Variants in IFT43 observed in about 807,000 individuals in gnomAD.
The protein encoded by IFT43 is intraflagellar transport protein 43 homolog.
IFT43 carries 33 observed loss-of-function variants against 32.3 expected under a neutral mutation model. That is an observed-to-expected ratio of 1.02 (90% CI 0.77 to 1.37). IFT43 has a LOEUF of 1.37. Among genes scored for constraint, IFT43 ranks in the 40% most tolerant of loss-of-function variants. IFT43 has a pLI of 0.00. For missense variants in IFT43, 274 were observed against 265.9 expected, an observed-to-expected ratio of 1.03 and a Z score of -0.21; for synonymous variants, 93 against 98.2, an observed-to-expected ratio of 0.95 and a Z score of 0.31.
At chr14:76,059,074 C>T (rs2037080872) in intron 4 of IFT43, 5 of 1,428,836 alleles carry the variant, frequency 3.5e-6, no homozygotes, top group Non-Finnish European at 3.6e-6. Flanking sequence ...CAGTTTCCTA[C>T]TCCCAGGGGC....
At chr14:76,029,531 T>G (rs890852587) in intron 3 of IFT43, among the ~76,000 whole-genome samples, 2 of 152,224 alleles carry the variant, frequency 1.3e-5, no homozygotes, top group African/African-American at 4.8e-5. Context: ...ATAAATTCTT[T>G]GCCAAAGCTG....
chr14:76,043,376 G>A (rs1374333651), intron 3 of IFT43, among the ~76,000 whole-genome samples: 1 of 135,528 alleles, frequency 7.4e-6, no homozygotes, highest in Non-Finnish European at 1.6e-5. Flanking sequence ...GAGCTCGTGT[G>A]CAGGGCCTGG....
intron 3 of IFT43, among the ~76,000 whole-genome samples, chr14:76,034,638 G>A (rs1030132932): frequency 2.0e-5 from 3 of 152,232 alleles, no homozygotes; most frequent in Non-Finnish European, 4.4e-5. Flanking sequence ...TAAGGAATAT[G>A]AGTTTCTGGG....
intron 3 of IFT43, 110 bp from the exon 4 acceptor site, chr14:76,058,532 A>G: frequency 2.3e-6 from 3 of 1,283,758 alleles, no homozygotes; most frequent in Non-Finnish European, 3.3e-6. Context: ...CAAATAAAGC[A>G]CTTGAGATAT....
chr14:76,040,385 T>C (rs114118155), intron 3 of IFT43, among the ~76,000 whole-genome samples: 2,554 of 152,338 alleles, frequency 0.017, 80 homozygotes, highest in African/African-American at 0.054. Context: ...CATGTGATAG[T>C]ATAACATCAC....
intron 2 of IFT43, among the ~76,000 whole-genome samples, chr14:76,005,200 C>T (rs1426853949): frequency 2.0e-5 from 3 of 152,178 alleles, no homozygotes; most frequent in Admixed American, 2.0e-4. Flanking sequence ...AATTACCTTC[C>T]TCTGAAAAGT....
intron 3 of IFT43, among the ~76,000 whole-genome samples, chr14:76,054,087 C>T (rs1002044314): frequency 2.0e-5 from 3 of 152,152 alleles, no homozygotes; most frequent in Non-Finnish European, 2.9e-5. Flanking sequence ...CTGGAGTATT[C>T]AGCTGAATGT....
intron 2 of IFT43, among the ~76,000 whole-genome samples, chr14:76,012,386 A>G (rs2036102705): frequency 6.6e-6 from 1 of 152,170 alleles, no homozygotes; most frequent in African/African-American, 2.4e-5. Context: ...CAGTTATTGA[A>G]TCCTAGCCCA....
At chr14:76,055,308 T>C (rs1004127302) in intron 3 of IFT43, among the ~76,000 whole-genome samples, 1 of 150,494 alleles carries the variant, frequency 6.6e-6, no homozygotes, top group Admixed American at 6.6e-5. Flanking sequence ...ATCTCAACAC[T>C]GCACTCCACT....
At chr14:76,021,784 A>T (rs2036296187) in intron 2 of IFT43, among the ~76,000 whole-genome samples, 1 of 152,232 alleles carries the variant, frequency 6.6e-6, no homozygotes, top group South Asian at 2.1e-4. Flanking sequence ...GCTTTCAATA[A>T]ACTTTACCAA....
At chr14:76,024,294 G>C (rs958558884) in intron 3 of IFT43, among the ~76,000 whole-genome samples, 2 of 152,164 alleles carry the variant, frequency 1.3e-5, no homozygotes, top group Admixed American at 1.3e-4. Context: ...TTCTTCCTAC[G>C]ACATACTCTC....
intron 3 of IFT43, among the ~76,000 whole-genome samples, chr14:76,050,576 T>C (rs1485684681): frequency 1.3e-5 from 2 of 152,264 alleles, no homozygotes; most frequent in Non-Finnish European, 2.9e-5. Flanking sequence ...CCCACCTTAG[T>C]CTCTTGAGTA....
At chr14:76,069,536 A>C (rs889163983) in intron 5 of IFT43, among the ~76,000 whole-genome samples, 2 of 152,082 alleles carry the variant, frequency 1.3e-5, no homozygotes, top group African/African-American at 4.8e-5. Flanking sequence ...GGTGAGACTG[A>C]AGATGGGCAT....
chr14:76,021,737 T>C (rs2036295629), intron 2 of IFT43, among the ~76,000 whole-genome samples: 1 of 152,222 alleles, frequency 6.6e-6, no homozygotes, highest in Non-Finnish European at 1.5e-5. Context: ...TTTCTAGGAT[T>C]AGAATTGCTA....
At chr14:76,005,128 A>G (rs74069404) in intron 2 of IFT43, among the ~76,000 whole-genome samples, 1,636 of 152,248 alleles carry the variant, frequency 0.011, 29 homozygotes, top group African/African-American at 0.038. Flanking sequence ...ACACTTCTTC[A>G]TATGTCTAGT....
At chr14:75,997,435 C>A (rs566864656) in intron 2 of IFT43, among the ~76,000 whole-genome samples, 1 of 152,306 alleles carries the variant, frequency 6.6e-6, no homozygotes, top group African/African-American at 2.4e-5. Flanking sequence ...TTAGCCTTGT[C>A]TTTTATTGCT....
intron 2 of IFT43, among the ~76,000 whole-genome samples, chr14:75,993,810 G>C (rs1426969552): frequency 6.6e-6 from 1 of 152,210 alleles, no homozygotes; most frequent in African/African-American, 2.4e-5. Context: ...CATTCTAGGT[G>C]GGAAGAGAGG....
intron 3 of IFT43, among the ~76,000 whole-genome samples, chr14:76,049,201 G>A (rs867961196): frequency 6.6e-6 from 1 of 152,184 alleles, no homozygotes; most frequent in African/African-American, 2.4e-5. Flanking sequence ...ATCCAGTCTC[G>A]TTTATCTCCA....
chr14:75,996,404 A>C (rs2139880381), intron 2 of IFT43, among the ~76,000 whole-genome samples: 1 of 152,286 alleles, frequency 6.6e-6, no homozygotes, highest in Non-Finnish European at 1.5e-5. Flanking sequence ...AAAATATATA[A>C]AGCTCTTAGA....
Sources: gnomAD v4.1 joint callset for allele counts (sites outside exome capture counted in the v4.1 genomes callset) on GRCh38, gnomAD v4.1.1 for gene constraint, MANE v1.5 for transcripts, NCBI Gene and HGNC (gene_info 2026-07-23, HGNC 2026-07-21) for gene names.